CDC42BPA: variants seen among roughly 807,000 people sequenced by gnomAD.
CDC42BPA encodes CDC42 binding protein kinase alpha, also known as serine/threonine-protein kinase MRCK alpha.
In CDC42BPA, 80 loss-of-function variants were observed where a neutral mutation model predicts 223.5. The ratio of observed to expected loss-of-function variants is 0.36; its 90% CI spans 0.30 to 0.43. CDC42BPA has a LOEUF of 0.43. Among genes scored for constraint, CDC42BPA ranks in the 20% least tolerant of loss-of-function variants. CDC42BPA has a pLI of 1.00. For synonymous variants in CDC42BPA, 694 were observed against 718.6 expected, an observed-to-expected ratio of 0.97 and a Z score of 0.55; for missense variants, 1,743 against 2,099.9, an observed-to-expected ratio of 0.83 and a Z score of 3.32.
rs532207439 is a variant in CDC42BPA, at chr1:227,140,416, A to G, written c.1224-674T>C. 7.9e-4 allele frequency among the ~76,000 whole-genome samples: 121 copies of G among 152,294 alleles called. 1 individual carries two copies. Among genetic ancestry groups the G allele is most frequent in the Non-Finnish European group, 1.1e-3 (76 of 68,020 alleles). Reference sequence around the variant, plus strand: ...AAGTTAGGAAAGCTGTCACTGCTAAAGTAACTTTGGAAAAAGCTAAGTAAG... The same window carrying G: ...AAGTTAGGAAAGCTGTCACTGCTAAGGTAACTTTGGAAAAAGCTAAGTAAG... On this transcript the variant is annotated intron_variant, in intron 9 of 36. Transcript: ENST00000366766.
chr1:227,087,732 T>C (rs1248361832), intron 16 of CDC42BPA, among the ~76,000 whole-genome samples: 3 of 152,246 alleles, frequency 2.0e-5, no homozygotes, highest in Non-Finnish European at 1.5e-5. Flanking sequence ...GTCATCTTCC[T>C]CTGGTTAACT....
At chr1:227,093,689 T>G (rs1389625000) in intron 15 of CDC42BPA, among the ~76,000 whole-genome samples, 9 of 152,198 alleles carry the variant, frequency 5.9e-5, no homozygotes, top group Admixed American at 5.9e-4. Flanking sequence ...TTCCCTCTCC[T>G]GATTTTTCTT....
Position 227,295,795 on chromosome 1 carries a change from A to C in CDC42BPA, c.178+21210T>G, listed in dbSNP as rs369776880. 1.1e-4 allele frequency among the ~76,000 whole-genome samples: 16 copies of C among 152,212 alleles called. No individual in the cohort carries two copies. In the South Asian group the frequency reaches 3.1e-3, roughly 30 times the overall value. ...TCACAGTCCAAGCTCTGAAAACATC[A>C]CATGTGTTCTGTGCAGCAGACGGGA... On this transcript the variant is annotated intron_variant, in intron 1 of 36. Transcript: ENST00000366766.
At chr1:227,112,597 A>G in intron 13 of CDC42BPA, 74 bp downstream of exon 13, 1 of 1,200,416 alleles carries the variant, frequency 8.3e-7, no homozygotes, top group South Asian at 2.4e-5. Flanking sequence ...AAAATTATAT[A>G]TTATATTACT....
intron 11 of CDC42BPA, among the ~76,000 whole-genome samples, chr1:227,121,463 A>C (rs73100824): frequency 6.6e-6 from 1 of 152,224 alleles, no homozygotes; most frequent in Non-Finnish European, 1.5e-5. Context: ...AACTGATATC[A>C]GTGCAATAAA....
chr1:227,307,521 TAAATG>T (rs74939125), intron 1 of CDC42BPA, among the ~76,000 whole-genome samples: 17,546 of 152,176 alleles, frequency 0.12, 1,206 homozygotes, highest in South Asian at 0.19. Flanking sequence ...AAACAAAGTT[TAAATG>T]GTTTCTACAG....
chr1:227,217,579 G>A (rs1675091411), intron 2 of CDC42BPA, among the ~76,000 whole-genome samples: 1 of 152,090 alleles, frequency 6.6e-6, no homozygotes, highest in African/African-American at 2.4e-5. Flanking sequence ...TTGAAATGTA[G>A]CTCAGATCAT....
At chr1:227,067,680 T>A (rs1173934044) in intron 21 of CDC42BPA, among the ~76,000 whole-genome samples, 1 of 152,148 alleles carries the variant, frequency 6.6e-6, no homozygotes, top group Admixed American at 6.5e-5. Flanking sequence ...TCAGTATAAA[T>A]ATTCCAAGCA....
At chr1:227,052,036 A>T in intron 21 of CDC42BPA, 51 bp from the exon 22 acceptor site, 1 of 1,144,188 alleles carries the variant, frequency 8.7e-7, no homozygotes, top group Non-Finnish European at 1.2e-6. Context: ...ACTTTTCAAC[A>T]ATGTGCAGGC....
intron 1 of CDC42BPA, among the ~76,000 whole-genome samples, chr1:227,292,806 AC>A: frequency 6.6e-6 from 1 of 152,308 alleles, no homozygotes; most frequent in South Asian, 2.1e-4. Context: ...GAACTTAATT[AC>A]TGTCATTATT....
intron 11 of CDC42BPA, among the ~76,000 whole-genome samples, chr1:227,126,219 C>T (rs1558554636): frequency 6.6e-6 from 1 of 152,186 alleles, no homozygotes; most frequent in Non-Finnish European, 1.5e-5. Context: ...CCTGCACTCC[C>T]TGACCTCCAG....
chr1:227,039,114 C>A lies in CDC42BPA; in HGVS notation c.3199+1017G>T, dbSNP rs532592236. 3.3e-5 allele frequency among the ~76,000 whole-genome samples: 5 copies of A among 152,234 alleles called. No homozygotes were observed. The East Asian group carries it at 9.6e-4, about 29-fold the overall frequency. ...CCATGGGAAATCATTAGGCATCCACCTTACAGTCCTGATTTGGTTCCTTCT... is the reference window on the plus strand; with the variant it reads ...CCATGGGAAATCATTAGGCATCCACATTACAGTCCTGATTTGGTTCCTTCT... On this transcript the variant is annotated intron_variant, in intron 24 of 36. Transcript: ENST00000366766.
chr1:227,298,001 TATATATACATA>T (rs1297702313), intron 1 of CDC42BPA, among the ~76,000 whole-genome samples: 1 of 143,444 alleles, frequency 7.0e-6, no homozygotes, highest in Non-Finnish European at 1.5e-5. Flanking sequence ...TATATATACA[TATATATACATA>T]ATATATACAT....
At chr1:227,050,247 T>C (rs1673277866) in intron 22 of CDC42BPA, among the ~76,000 whole-genome samples, 1 of 152,042 alleles carries the variant, frequency 6.6e-6, no homozygotes. Flanking sequence ...TGAATAACAC[T>C]AGAAAACAGA....
intron 2 of CDC42BPA, among the ~76,000 whole-genome samples, chr1:227,219,574 T>C (rs1266538983): frequency 6.6e-6 from 1 of 152,214 alleles, no homozygotes; most frequent in Non-Finnish European, 1.5e-5. Context: ...AAGAGTTACA[T>C]AAATGATGCG....
rs760207035 is a variant in CDC42BPA at position 227,112,409 on chromosome 1, G to C, written c.1904C>G (p.Thr635Arg). The C allele has an allele frequency of 6.3e-7, 1 of 1,596,642 alleles. No individual in the cohort carries two copies. The highest frequency in any genetic ancestry group is 2.3e-5 in the East Asian group (1 of 44,198). Residue 635 changes from threonine to arginine, a missense_variant, in exon 14 of 37, where the codon ACA (threonine) becomes AGA (arginine). Around this residue, in one of 6 missense-constraint regions of CDC42BPA, gnomAD observed 464 missense variants for 488.0 expected, o/e 0.95. Coordinates refer to ENST00000366766, the MANE Select transcript of CDC42BPA (RefSeq NM_001394014.1). ...ERAKKELEVH[T>R]EALAAEASKD... ...AGATGCTTCAGCAGCTAGAGCTTCT[G>C]TATGAACTTCCAGCTTTAAAACAGA...
At chr1:227,245,659 G>A (rs1175034004) in intron 2 of CDC42BPA, among the ~76,000 whole-genome samples, 1 of 152,160 alleles carries the variant, frequency 6.6e-6, no homozygotes, top group Non-Finnish European at 1.5e-5. Context: ...AGAGCCATGA[G>A]GCCCCCATTC....
At position 227,317,310 on chromosome 1, in the gene CDC42BPA, T is replaced by TG; in HGVS notation, c.-129dup. ...TGTTATTCAAACAACTGTCATGCAATGCTGGTGCTGAATTAAACATCCAAC... is the reference window on the plus strand; with the variant it reads ...TGTTATTCAAACAACTGTCATGCAATGGCTGGTGCTGAATTAAACATCCAAC... On this transcript the variant is annotated 5_prime_UTR_variant, in exon 1 of 37. An upstream open reading frame in the 5' UTR gains an earlier in-frame stop. Coordinates refer to ENST00000366766, the MANE Select transcript of CDC42BPA (RefSeq NM_001394014.1). 1 of 956,614 alleles carries TG rather than the reference T, an allele frequency of 1.0e-6. No homozygotes were observed. The highest frequency in any genetic ancestry group is 1.5e-6 in the Non-Finnish European group (1 of 655,050). The allele number at this position is 956,614 out of a possible 1,614,324, so 59.3% of individuals were successfully genotyped here. A position where few individuals can be genotyped will look rare whatever the true frequency, so the allele number is the denominator to read the frequency against.
In CDC42BPA at chr1:227,026,168, G is replaced by C. The variant is rs187070443; in HGVS notation, c.4433-16C>G. On this transcript the variant is annotated splice_polypyrimidine_tract_variant and intron_variant, in intron 30 of 36. Transcript: ENST00000366766. ...GCATTGTAACCTGGGAGAAGGGAAG[G>C]GGGGGCAGCTTGCGGATTACTTTTA... 1.7e-4 allele frequency: 235 copies of C among 1,416,392 alleles called. 1 individual carries two copies. The African/African-American group carries it at 2.6e-3, about 16-fold the overall frequency. The allele number at this position is 1,416,392 out of a possible 1,614,324, so 87.7% of individuals were successfully genotyped here. A position where few individuals can be genotyped will look rare whatever the true frequency, so the allele number is the denominator to read the frequency against.
Sources: gnomAD v4.1 joint callset for allele counts (sites outside exome capture counted in the v4.1 genomes callset) on GRCh38, gnomAD v4.1.1 for gene constraint, gnomAD v4.1.1 regional missense constraint, MANE v1.5 for transcripts, NCBI Gene and HGNC (gene_info 2026-07-23, HGNC 2026-07-21) for gene names.